Variants in CSMD3 observed in about 807,000 individuals in gnomAD.
CSMD3 encodes the protein CUB and Sushi multiple domains 3.
CSMD3 carries 177 observed loss-of-function variants against 435.2 expected under a neutral mutation model. The ratio of observed to expected loss-of-function variants is 0.41; its 90% CI spans 0.36 to 0.46. CSMD3 has a LOEUF of 0.46. Among genes scored for constraint, CSMD3 ranks in the 20% least tolerant of loss-of-function variants. CSMD3 has a pLI of 0.34. For synonymous variants in CSMD3, 1,656 were observed against 1,520.5 expected (o/e 1.09, Z -2.07); for missense variants, 4,265 against 4,504.6 (o/e 0.95, Z 1.52).
intron 13 of CSMD3, among the ~76,000 whole-genome samples, chr8:112,761,489 T>C (rs2077836198): frequency 1.3e-5 from 2 of 152,100 alleles, no homozygotes; most frequent in Admixed American, 6.6e-5. Flanking sequence ...ATCCTGTAAA[T>C]ATTTTTCATG....
chr8:112,645,329 T>G, intron 19 of CSMD3, 104 bp from the exon 20 acceptor site: 1 of 752,744 alleles, frequency 1.3e-6, no homozygotes, highest in Non-Finnish European at 2.4e-6. Context: ...TTATCTTTGC[T>G]TATGCTACCT....
In CSMD3 at chr8:113,405,235, G is replaced by A. The variant is rs188533186; in HGVS notation, c.178+31442C>T. Among the ~76,000 whole-genome samples the A allele has an allele frequency of 6.9e-4, 105 of 151,586 alleles. 1 individual carries two copies. Among genetic ancestry groups the A allele is most frequent in the Non-Finnish European group, 2.2e-4 (15 of 67,562 alleles). On this transcript the variant is annotated intron_variant, in intron 1 of 70. Coordinates refer to ENST00000297405, the MANE Select transcript of CSMD3 (RefSeq NM_198123.2). ...GCTAAATTATATGCTTCTGACATTT[G>A]CAATCAAAGATACAATTTTGTATCA...
chr8:113,035,465 G>T (rs948008528), intron 5 of CSMD3, among the ~76,000 whole-genome samples: 1 of 151,908 alleles, frequency 6.6e-6, no homozygotes, highest in African/African-American at 2.4e-5. Flanking sequence ...ATGGAAATCA[G>T]AACAGTAGTT....
intron 4 of CSMD3, among the ~76,000 whole-genome samples, chr8:113,103,615 C>A (rs977223994): frequency 6.6e-6 from 1 of 151,954 alleles, no homozygotes; most frequent in Non-Finnish European, 1.5e-5. Context: ...GAATTTAAAT[C>A]TATTAATTAA....
At chr8:113,318,786 A>ATGTGTGTG (rs56269027) in intron 1 of CSMD3, among the ~76,000 whole-genome samples, 10,407 of 140,014 alleles carry the variant, frequency 0.074, 451 homozygotes, top group Non-Finnish European at 0.094. Context: ...GCTGAATAAG[A>ATGTGTGTG]TGTGTGTGTG....
intron 13 of CSMD3, among the ~76,000 whole-genome samples, chr8:112,728,600 C>G (rs1285553897): frequency 6.6e-6 from 1 of 151,866 alleles, no homozygotes; most frequent in African/African-American, 2.4e-5. Context: ...CTTTGCTAGC[C>G]AAGCCCCTTC....
At chr8:112,343,025 A>ATATATT (rs1435383879) in intron 41 of CSMD3, among the ~76,000 whole-genome samples, 7 of 140,530 alleles carry the variant, frequency 5.0e-5, no homozygotes, top group Admixed American at 2.2e-4. Flanking sequence ...ATTTATATAT[A>ATATATT]TATATATAGT....
chr8:113,029,254 A>T (rs188729700), intron 5 of CSMD3, among the ~76,000 whole-genome samples: 1 of 151,532 alleles, frequency 6.6e-6, no homozygotes, highest in African/African-American at 2.4e-5. Flanking sequence ...ATAAAGAAGG[A>T]ACCCTCCCTA....
intron 1 of CSMD3, among the ~76,000 whole-genome samples, chr8:113,362,943 G>A (rs1302384635): frequency 6.6e-6 from 1 of 152,140 alleles, no homozygotes; most frequent in Non-Finnish European, 1.5e-5. Context: ...CACCAATGCT[G>A]AGGAGATAAA....
At chr8:113,322,592 T>C (rs900271325) in intron 1 of CSMD3, among the ~76,000 whole-genome samples, 1 of 152,216 alleles carries the variant, frequency 6.6e-6, no homozygotes, top group African/African-American at 2.4e-5. Flanking sequence ...GCTTAGCATT[T>C]ACATATGTAT....
intron 3 of CSMD3, among the ~76,000 whole-genome samples, chr8:113,268,877 A>T (rs60833998): frequency 0.67 from 101,964 of 151,848 alleles, 36,061 homozygotes; most frequent in East Asian, 0.95. Context: ...TTGATCCAAT[A>T]AAAAATTCAG....
intron 22 of CSMD3, among the ~76,000 whole-genome samples, chr8:112,601,911 T>C (rs67973947): frequency 0.24 from 36,508 of 152,126 alleles, 4,730 homozygotes; most frequent in African/African-American, 0.33. Flanking sequence ...GTATTAGGGA[T>C]GTTAAAAACA....
chr8:112,583,339 T>C (rs1404500242), intron 23 of CSMD3, among the ~76,000 whole-genome samples: 1 of 97,688 alleles, frequency 1.0e-5, no homozygotes, highest in Non-Finnish European at 2.1e-5. Flanking sequence ...CAAGTGGAAA[T>C]AGTTGAGAGA....
chr8:112,737,748 C>T (rs10505192), intron 13 of CSMD3, among the ~76,000 whole-genome samples: 48,705 of 151,534 alleles, frequency 0.32, 8,451 homozygotes, highest in African/African-American at 0.46. Flanking sequence ...AACAGCTGAC[C>T]CTGATTTCTT....
At chr8:112,840,206 G>T (rs2080140302) in intron 11 of CSMD3, among the ~76,000 whole-genome samples, 2 of 151,714 alleles carry the variant, frequency 1.3e-5, no homozygotes, top group South Asian at 4.1e-4. Context: ...GGAAAAGACT[G>T]GGGAAGGGTT....
At chr8:112,839,567 T>C (rs1461413671) in intron 11 of CSMD3, among the ~76,000 whole-genome samples, 1 of 151,740 alleles carries the variant, frequency 6.6e-6, no homozygotes, top group Non-Finnish European at 1.5e-5. Flanking sequence ...AGGAGACTAT[T>C]CATTACAAAT....
intron 13 of CSMD3, among the ~76,000 whole-genome samples, chr8:112,769,062 T>C (rs927322441): frequency 6.6e-6 from 1 of 151,988 alleles, no homozygotes; most frequent in Admixed American, 6.6e-5. Flanking sequence ...GAATTGTTTT[T>C]CCCTGAACCT....
intron 1 of CSMD3, among the ~76,000 whole-genome samples, chr8:113,410,951 A>AAGAAAGAAAGAAAGAC: frequency 7.0e-6 from 1 of 143,466 alleles, no homozygotes; most frequent in East Asian, 2.1e-4. Flanking sequence ...GAAAGAAAGA[A>AAGAAAGAAAGAAAGAC]AGAGAAGGGA....
intron 63 of CSMD3, among the ~76,000 whole-genome samples, chr8:112,252,050 A>G (rs1302283619): frequency 6.6e-6 from 1 of 151,932 alleles, no homozygotes; most frequent in Non-Finnish European, 1.5e-5. Context: ...ATATAAATCT[A>G]TAAAGAAAAA....
Sources: allele counts gnomAD v4.1 joint callset (sites outside exome capture counted in the v4.1 genomes callset), GRCh38; gene constraint gnomAD v4.1.1; transcripts MANE v1.5; gene names NCBI Gene and HGNC (gene_info 2026-07-23, HGNC 2026-07-21).